EPB41: variants seen among roughly 807,000 people sequenced by gnomAD.
The protein encoded by EPB41 is protein 4.1.
Under a neutral mutation model 108.0 loss-of-function variants are expected in EPB41, and 65 were observed. The ratio of observed to expected loss-of-function variants is 0.60; its 90% confidence interval spans 0.49 to 0.74. The LOEUF is 0.74. Among genes scored for constraint, EPB41 ranks in the 30% least tolerant of loss-of-function variants. EPB41 has a pLI of 0.00. For missense variants in EPB41, 875 were observed against 1,037.0 expected, an observed-to-expected ratio of 0.84 and a Z score of 2.15; for synonymous variants, 336 against 358.9, an observed-to-expected ratio of 0.94 and a Z score of 0.72.
chr1:29,022,063 GAA>G (rs1378151533), intron 7 of EPB41, among the ~76,000 whole-genome samples: 1 of 152,086 alleles, frequency 6.6e-6, no homozygotes, highest in Non-Finnish European at 1.5e-5. Context: ...TGGAATTTTG[GAA>G]AACTTTTATA....
At chr1:29,096,705 C>A in intron 16 of EPB41, 2 of 563,454 alleles carry the variant, frequency 3.5e-6, no homozygotes, top group Non-Finnish European at 4.5e-6. Flanking sequence ...AGGGTAGTGG[C>A]CTCCCTGCTG....
chr1:28,950,342 C>T (rs967444596), intron 1 of EPB41, among the ~76,000 whole-genome samples: 1 of 152,142 alleles, frequency 6.6e-6, no homozygotes, highest in Non-Finnish European at 1.5e-5. Flanking sequence ...AAGTTCAAAC[C>T]CATGTTTGTT....
At chr1:29,022,653 G>C (rs1001153665) in intron 7 of EPB41, among the ~76,000 whole-genome samples, 1 of 151,924 alleles carries the variant, frequency 6.6e-6, no homozygotes, top group African/African-American at 2.4e-5. Context: ...CCTGGGAGGC[G>C]GTGGTTGCAG....
intron 11 of EPB41, among the ~76,000 whole-genome samples, chr1:29,045,761 C>T (rs564804496): frequency 6.9e-4 from 97 of 141,156 alleles, no homozygotes; most frequent in Non-Finnish European, 5.1e-4. Context: ...TCGCTTGAGT[C>T]TGAGAGTTCA....
At chr1:28,971,368 G>C (rs71642253) in intron 1 of EPB41, among the ~76,000 whole-genome samples, 1 of 151,554 alleles carries the variant, frequency 6.6e-6, no homozygotes, top group South Asian at 2.1e-4. Flanking sequence ...ATTTTTAGTA[G>C]AGACTGGGTT....
chr1:28,918,208 C>T (rs1431915205), intron 1 of EPB41, among the ~76,000 whole-genome samples: 1 of 152,082 alleles, frequency 6.6e-6, no homozygotes, highest in African/African-American at 2.4e-5. Flanking sequence ...CACACCACCA[C>T]ACCCAGCTAA....
At chr1:29,091,908 G>A (rs1661327252) in intron 16 of EPB41, among the ~76,000 whole-genome samples, 1 of 152,058 alleles carries the variant, frequency 6.6e-6, no homozygotes. Context: ...AAGTTCCTGT[G>A]TTCAGTGTGT....
At chr1:28,948,048 A>G (rs932245891) in intron 1 of EPB41, among the ~76,000 whole-genome samples, 1 of 151,968 alleles carries the variant, frequency 6.6e-6, no homozygotes, top group African/African-American at 2.4e-5. Context: ...GACATTGTCT[A>G]CTTAAGCCTT....
chr1:28,894,598 G>C (rs2090468200), intron 1 of EPB41, among the ~76,000 whole-genome samples: 1 of 152,136 alleles, frequency 6.6e-6, no homozygotes, highest in Admixed American at 6.5e-5. Context: ...CATCAGAAGA[G>C]AGAGGCAGCT....
chr1:29,099,991 G>A (rs1358364008), intron 17 of EPB41, among the ~76,000 whole-genome samples: 3 of 152,192 alleles, frequency 2.0e-5, no homozygotes, highest in Non-Finnish European at 4.4e-5. Context: ...TTGAGACTAG[G>A]ATAATCAGGG....
intron 12 of EPB41, among the ~76,000 whole-genome samples, chr1:29,057,360 T>C (rs1021501455): frequency 3.8e-5 from 4 of 105,586 alleles, no homozygotes; most frequent in Non-Finnish European, 3.5e-5. Context: ...GGCGACAGAG[T>C]GAGACTCTGT....
intron 1 of EPB41, among the ~76,000 whole-genome samples, chr1:28,903,954 C>A (rs936282262): frequency 6.6e-6 from 1 of 151,870 alleles, no homozygotes; most frequent in Non-Finnish European, 1.5e-5. Flanking sequence ...GCAACCTCCA[C>A]CTCCCGGGTT....
intron 17 of EPB41, among the ~76,000 whole-genome samples, chr1:29,105,842 G>T (rs1188627001): frequency 6.9e-6 from 1 of 145,542 alleles, no homozygotes; most frequent in Admixed American, 7.3e-5. Context: ...TCCGCCTCCT[G>T]GTTCAAGCGA....
chr1:29,008,853 G>T (rs2096454626), intron 4 of EPB41, among the ~76,000 whole-genome samples: 1 of 152,096 alleles, frequency 6.6e-6, no homozygotes, highest in Non-Finnish European at 1.5e-5. Context: ...TTATACTTCT[G>T]TGCCTTTCTA....
chr1:29,079,059 G>T (rs528508515), intron 16 of EPB41, among the ~76,000 whole-genome samples: 2 of 151,438 alleles, frequency 1.3e-5, no homozygotes, highest in Non-Finnish European at 2.9e-5. Context: ...GCAATGGTGC[G>T]ATCTCGGCTC....
intron 17 of EPB41, among the ~76,000 whole-genome samples, chr1:29,104,210 A>G (rs1666383046): frequency 6.6e-6 from 1 of 152,240 alleles, no homozygotes; most frequent in Admixed American, 6.5e-5. Context: ...TGCCTGGCAG[A>G]TAATAAGCAC....
At chr1:29,051,275 T>TTTTA (rs1482661600) in intron 11 of EPB41, among the ~76,000 whole-genome samples, 1 of 151,204 alleles carries the variant, frequency 6.6e-6, no homozygotes, top group African/African-American at 2.4e-5. Context: ...ATTTTTGTAT[T>TTTTA]TTTAGTAGAG....
intron 5 of EPB41, among the ~76,000 whole-genome samples, chr1:29,015,310 C>A (rs917561987): frequency 2.0e-5 from 3 of 152,150 alleles, no homozygotes; most frequent in African/African-American, 7.2e-5. Context: ...GTAATCCCAG[C>A]ACTTTGGGAG....
intron 4 of EPB41, among the ~76,000 whole-genome samples, chr1:28,999,377 A>G (rs2149717471): frequency 6.6e-6 from 1 of 152,268 alleles, no homozygotes; most frequent in Middle Eastern, 3.4e-3. Flanking sequence ...CTCAAAAAAA[A>G]GAAAAAAGAA....
Sources: gnomAD v4.1 joint callset for allele counts (sites outside exome capture counted in the v4.1 genomes callset) on GRCh38, gnomAD v4.1.1 for gene constraint, MANE v1.5 for transcripts, NCBI Gene and HGNC (gene_info 2026-07-23, HGNC 2026-07-21) for gene names.